Variants in SGIP1 observed in about 807,000 individuals in gnomAD.
SGIP1 encodes the protein SH3-containing GRB2-like protein 3-interacting protein 1.
SGIP1 carries 38 observed loss-of-function variants against 107.5 expected under a neutral mutation model. That is an observed-to-expected ratio of 0.35 (90% CI 0.27 to 0.46). The LOEUF (loss-of-function observed/expected upper bound fraction) is 0.46, where lower values mean the gene tolerates loss of function less well. Among genes scored for constraint, SGIP1 ranks in the 20% least tolerant of loss-of-function variants. The pLI is 1.00. For missense variants in SGIP1, 929 were observed against 1,019.5 expected (o/e 0.91, Z 1.21); for synonymous variants, 365 against 366.1 (o/e 1.00, Z 0.03).
At chr1:66,630,841 A>AGAGAGAGAG (rs1570908943) in intron 2 of SGIP1, among the ~76,000 whole-genome samples, 2 of 17,964 alleles carry the variant, frequency 1.1e-4, no homozygotes, top group Non-Finnish European at 9.9e-5. Flanking sequence ...GAAAGAAAGA[A>AGAGAGAGAG]AGAAAGAAAG....
rs10707091 is a variant in SGIP1 at position 66,614,809 on chromosome 1, CTTTTTTTTTT to C, written c.11-11020_11-11011del. ...CTAATAGGGGCTATGTTCCAGCTGT[CTTTTTTTTTT>C]TTTTTTTTTTTTTTTTTGAGATGGA... On this transcript the variant is annotated intron_variant, in intron 1 of 24. Coordinates refer to ENST00000371037, the MANE Select transcript of SGIP1 (RefSeq NM_032291.4). Among the ~76,000 whole-genome samples the C allele has an allele frequency of 5.9e-3, 352 of 59,424 alleles. 1 individual carries two copies. Among genetic ancestry groups the C allele is most frequent in the African/African-American group, 0.023 (339 of 14,700 alleles). 39.0% of individuals were successfully genotyped at this position (59,424 alleles called of 152,430 possible).
At chr1:66,535,380 A>G (rs898180536) in intron 1 of SGIP1, among the ~76,000 whole-genome samples, 6 of 152,260 alleles carry the variant, frequency 3.9e-5, no homozygotes, top group African/African-American at 1.4e-4. Flanking sequence ...CAAATCAGCC[A>G]TGAAAATGGC....
intron 4 of SGIP1, 83 bp downstream of exon 4, chr1:66,636,098 A>G (rs1558155745): frequency 7.6e-7 from 1 of 1,319,684 alleles, no homozygotes; most frequent in South Asian, 1.3e-5. Context: ...TTTGGAAAAC[A>G]CAGTAGTTTT....
At chr1:66,724,517 T>C (rs1365066999) in intron 19 of SGIP1, among the ~76,000 whole-genome samples, 1 of 152,194 alleles carries the variant, frequency 6.6e-6, no homozygotes, top group Non-Finnish European at 1.5e-5. Flanking sequence ...GCTCTGACAG[T>C]TGTGATGCTG....
At chr1:66,672,426 T>C (rs2084050972) in intron 11 of SGIP1, among the ~76,000 whole-genome samples, 1 of 152,188 alleles carries the variant, frequency 6.6e-6, no homozygotes, top group African/African-American at 2.4e-5. Context: ...TGGCAAAGCA[T>C]TGTATTTTAC....
At chr1:66,663,913 A>G (rs2082018160) in intron 8 of SGIP1, among the ~76,000 whole-genome samples, 1 of 152,204 alleles carries the variant, frequency 6.6e-6, no homozygotes, top group Non-Finnish European at 1.5e-5. Flanking sequence ...AGTAATAGCA[A>G]AAAACCGCAA....
At chr1:66,644,922 T>A (rs1006038666) in intron 7 of SGIP1, among the ~76,000 whole-genome samples, 2 of 152,208 alleles carry the variant, frequency 1.3e-5, no homozygotes, top group Non-Finnish European at 2.9e-5. Context: ...CCTTCTATAA[T>A]GGAAGGTGCA....
Position 66,659,949 on chromosome 1 carries a change from A to AAAG in SGIP1, c.460-562_460-561insGAA, listed in dbSNP as rs1491586739. ...GAAAAAGAGAGAAAGAAAAAGAAAG[A>AAAG]AAAAGAAAGAAAGAAAGAAAGAAAG... On this transcript the variant is annotated intron_variant, in intron 7 of 24. Transcript: ENST00000371037. 0.025 allele frequency among the ~76,000 whole-genome samples: 756 copies of AAAG among 30,624 alleles called. 58 individuals are homozygous for AAAG. In the East Asian group the frequency reaches 0.32, roughly 13 times the overall value. The allele number at this position is 30,624 out of a possible 152,430, so 20.1% of individuals were successfully genotyped here. A position where few individuals can be genotyped will look rare whatever the true frequency, so the allele number is the denominator to read the frequency against.
intron 9 of SGIP1, among the ~76,000 whole-genome samples, chr1:66,670,522 A>G (rs573147097): frequency 1.1e-4 from 17 of 152,338 alleles, no homozygotes; most frequent in African/African-American, 2.9e-4. Context: ...TACACTTGCT[A>G]TCTATACCTT....
intron 19 of SGIP1, among the ~76,000 whole-genome samples, chr1:66,727,695 A>G (rs1227729849): frequency 3.3e-5 from 5 of 152,222 alleles, no homozygotes; most frequent in African/African-American, 1.2e-4. Flanking sequence ...CACAGCCACA[A>G]AAAGAAATGA....
chr1:66,749,716 A>C lies in SGIP1; in HGVS notation c.*6621A>C, dbSNP rs1269233249. Among the ~76,000 whole-genome samples, 4 of 152,042 alleles carry C rather than the reference A, an allele frequency of 2.6e-5. No homozygotes were observed. The highest frequency in any genetic ancestry group is 2.9e-5 in the Non-Finnish European group (2 of 67,942). Reference sequence around the variant, plus strand: ...AGTATATCATACAAATGTTAATTCCATCTCGCTCATTCAGTTTTACATTAC... The same window carrying C: ...AGTATATCATACAAATGTTAATTCCCTCTCGCTCATTCAGTTTTACATTAC... On this transcript the variant is annotated 3_prime_UTR_variant, in exon 25 of 25. Coordinates refer to ENST00000371037, the MANE Select transcript of SGIP1 (RefSeq NM_032291.4).
chr1:66,610,883 A>G (rs1027700693), intron 1 of SGIP1, among the ~76,000 whole-genome samples: 5 of 152,176 alleles, frequency 3.3e-5, no homozygotes, highest in African/African-American at 1.2e-4. Context: ...TAACTCAGGA[A>G]TGGAAAATCA....
At chr1:66,610,998 G>A (rs942960182) in intron 1 of SGIP1, among the ~76,000 whole-genome samples, 1 of 151,886 alleles carries the variant, frequency 6.6e-6, no homozygotes, top group African/African-American at 2.4e-5. Flanking sequence ...GGGTGGGAGG[G>A]GGGTGAGGGA....
chr1:66,621,616 C>T (rs774728634), intron 1 of SGIP1, among the ~76,000 whole-genome samples: 9 of 152,182 alleles, frequency 5.9e-5, no homozygotes, highest in South Asian at 4.1e-4. Context: ...CCACTCCACT[C>T]GGCCTCTGTC....
chr1:66,643,985 G>GA (rs901568585), intron 7 of SGIP1: 378 of 219,490 alleles, frequency 1.7e-3, no homozygotes, highest in East Asian at 3.6e-3. Flanking sequence ...ATTTTAAAAA[G>GA]AAAAAAAAAT....
chr1:66,725,728 C>G (rs1367921469), intron 19 of SGIP1, among the ~76,000 whole-genome samples: 1 of 152,190 alleles, frequency 6.6e-6, no homozygotes, highest in African/African-American at 2.4e-5. Flanking sequence ...GGAGGTGTGC[C>G]CTATGATTGC....
At chr1:66,579,451 T>C (rs886960566) in intron 1 of SGIP1, among the ~76,000 whole-genome samples, 3 of 152,204 alleles carry the variant, frequency 2.0e-5, no homozygotes, top group African/African-American at 7.2e-5. Context: ...CATGAGACTA[T>C]GGCAGAGGGC....
At chr1:66,719,931 C>A (rs2093440017) in intron 19 of SGIP1, among the ~76,000 whole-genome samples, 1 of 151,596 alleles carries the variant, frequency 6.6e-6, no homozygotes, top group Admixed American at 6.6e-5. Context: ...AAAAACTGGC[C>A]AAAAATGAAA....
intron 1 of SGIP1, among the ~76,000 whole-genome samples, chr1:66,545,772 G>T (rs1366898170): frequency 6.6e-6 from 1 of 152,006 alleles, no homozygotes; most frequent in Non-Finnish European, 1.5e-5. Flanking sequence ...GCACAGGCTG[G>T]CAGGCCAGTA....
Sources: allele counts gnomAD v4.1 joint callset (sites outside exome capture counted in the v4.1 genomes callset), GRCh38; gene constraint gnomAD v4.1.1; transcripts MANE v1.5; gene names NCBI Gene and HGNC (gene_info 2026-07-23, HGNC 2026-07-21).